BACH1: variants seen among roughly 807,000 people sequenced by gnomAD.
The protein encoded by BACH1 is BTB domain and CNC homolog 1, also known as transcription regulator protein BACH1.
A neutral mutation model predicts 52.9 loss-of-function variants in BACH1; 35 were observed. The ratio of observed to expected loss-of-function variants is 0.66; its 90% confidence interval spans 0.51 to 0.88. The LOEUF is 0.88. BACH1 is among the 40% of genes least tolerant of loss of function. The pLI is 0.00. For synonymous variants in BACH1, 321 were observed against 319.6 expected, an observed-to-expected ratio of 1.00 and a Z score of -0.05; for missense variants, 808 against 872.6, an observed-to-expected ratio of 0.93 and a Z score of 0.93.
chr21:29,356,095 T>C (rs187899791), intron 2 of BACH1, among the ~76,000 whole-genome samples: 1 of 152,276 alleles, frequency 6.6e-6, no homozygotes, highest in East Asian at 1.9e-4. Context: ...GAGTGTGTGG[T>C]AGTAGGATAA....
intron 1 of BACH1, among the ~76,000 whole-genome samples, chr21:29,308,058 G>A (rs2088678539): frequency 6.6e-6 from 1 of 152,144 alleles, no homozygotes; most frequent in African/African-American, 2.4e-5. Context: ...AAATGCAATA[G>A]TATTTCCCTA....
chr21:29,358,744 A>AAAAAGAAAAG (rs758608393), intron 2 of BACH1, among the ~76,000 whole-genome samples: 13 of 139,746 alleles, frequency 9.3e-5, no homozygotes, highest in African/African-American at 2.4e-4. Flanking sequence ...TGTCTCAGAA[A>AAAAAGAAAAG]AAAAGAAAAG....
intron 1 of BACH1, among the ~76,000 whole-genome samples, chr21:29,303,232 T>G (rs2088621866): frequency 6.6e-6 from 1 of 152,270 alleles, no homozygotes; most frequent in South Asian, 2.1e-4. Flanking sequence ...ATGAAATGGA[T>G]ATGAATACAA....
chr21:29,329,541 C>T lies in BACH1; in HGVS notation c.1624C>T (p.Gln542Ter). The change falls in exon 4 of 5, where the codon CAG (glutamine) becomes TAG (stop). Residue 542 changes from glutamine to a stop codon, truncating the protein, a stop_gained. Coordinates refer to ENST00000286800, the MANE Select transcript of BACH1 (RefSeq NM_001186.4). LOFTEE classifies it high-confidence loss of function. The part of the protein sequence containing the change: ...RIISLSRNDF[Q>*]SLLKMHKLTP... ...AATTTCACTGTCTCGAAATGATTTT[C>T]AGTCCTTGTTGAAAATGCACAAGCT... 6.2e-7 allele frequency: 1 copy of T among 1,602,090 alleles called. No homozygotes were observed. The highest frequency in any genetic ancestry group is 8.5e-7 in the Non-Finnish European group (1 of 1,176,076).
At chr21:29,357,263 C>T (rs969108555) in intron 2 of BACH1, among the ~76,000 whole-genome samples, 1 of 152,172 alleles carries the variant, frequency 6.6e-6, no homozygotes, top group East Asian at 1.9e-4. Flanking sequence ...CATAACCTGC[C>T]CTTCGTATCC....
At chr21:29,314,443 T>C (rs546923378) in intron 1 of BACH1, among the ~76,000 whole-genome samples, 1 of 152,334 alleles carries the variant, frequency 6.6e-6, no homozygotes, top group African/African-American at 2.4e-5. Flanking sequence ...TAATTTCGAA[T>C]ATGGATTTAG....
In BACH1 at chr21:29,327,173, A is replaced by G. The variant is rs1458506205; in HGVS notation, c.1349A>G (p.Gln450Arg). 2 of 1,614,142 alleles carry G rather than the reference A, an allele frequency of 1.2e-6. No individual in the cohort carries two copies. The highest frequency in any genetic ancestry group is 4.5e-5 in the East Asian group (2 of 44,898). The change falls in exon 3 of 5, where the codon CAA becomes CGA. Residue 450 changes from glutamine to arginine, a missense_variant. Gln to Arg is a conservative substitution (Grantham distance 43, BLOSUM62 1). Transcript: ENST00000286800. The part of the protein sequence containing the change: ...IRISESPEPG[Q>R]RTFTTLSSVN... ...ATTAGTGAGAGCCCAGAACCAGGTC[A>G]AAGGACTTTCACAACATTAAGTTCT...
chr21:29,316,984 G>T (rs907082404), intron 1 of BACH1, among the ~76,000 whole-genome samples: 7 of 152,192 alleles, frequency 4.6e-5, no homozygotes, highest in African/African-American at 1.7e-4. Flanking sequence ...CTAGATTGGG[G>T]TCCCCAACCT....
intron 1 of BACH1, among the ~76,000 whole-genome samples, chr21:29,305,775 G>A (rs2123405489): frequency 6.6e-6 from 1 of 152,316 alleles, no homozygotes; most frequent in South Asian, 2.1e-4. Flanking sequence ...CAGTGTATGT[G>A]GACAGTAGGG....
chr21:29,326,460 A>T lies in BACH1; in HGVS notation c.636A>T (p.Leu212Phe), dbSNP rs200303423. 5.9e-5 allele frequency: 95 copies of T among 1,614,120 alleles called. No homozygotes were observed. Among genetic ancestry groups the T allele is most frequent in the Non-Finnish European group, 7.8e-5 (92 of 1,180,046 alleles). The change falls in exon 3 of 5, where the codon TTA (leucine) becomes TTT (phenylalanine). Residue 212 changes from leucine (L) to phenylalanine (F), a missense_variant. Physicochemically the swap from Leu to Phe is conservative, Grantham distance 22. Transcript: ENST00000286800. ...GTCAGACATATGAGTCCATGTGCTTAGAGAAGGATGCTGCTCTGGCCTTGC... is the reference window on the plus strand; with the variant it reads ...GTCAGACATATGAGTCCATGTGCTTTGAGAAGGATGCTGCTCTGGCCTTGC... ...SASQTYESMC[L>F]EKDAALALPS...
chr21:29,342,703 G>T lies in BACH1; in HGVS notation c.2081G>T (p.Arg694Leu), dbSNP rs377002114. 3.2e-5 allele frequency: 52 copies of T among 1,614,204 alleles called. No individual in the cohort carries two copies. Among genetic ancestry groups the T allele is most frequent in the Non-Finnish European group, 4.2e-5 (50 of 1,180,042 alleles). ...GGAAACAGTGAGCCTGGCTACGCGC[G>T]AGGGCAGGAGTCCCAGCAGATGTCC... ...ARGNSEPGYA[R>L]GQESQQMSTA... Residue 694 changes from arginine to leucine, a missense_variant, in exon 5 of 5, where the codon CGA becomes CTA. Arg to Leu is a moderately radical substitution (Grantham distance 102). Coordinates refer to ENST00000286800, the MANE Select transcript of BACH1 (RefSeq NM_001186.4).
At chr21:29,347,408 T>C (rs2089175924), downstream of BACH1, among the ~76,000 whole-genome samples, 1 of 152,162 alleles carries the variant, frequency 6.6e-6, no homozygotes, top group Non-Finnish European at 1.5e-5. Flanking sequence ...ATTTACTCAT[T>C]AGAATCAGGG....
intron 1 of BACH1, among the ~76,000 whole-genome samples, chr21:29,305,981 A>C (rs2123405879): frequency 6.6e-6 from 1 of 152,344 alleles, no homozygotes; most frequent in East Asian, 1.9e-4. Flanking sequence ...CAACATGTAA[A>C]ATGTGCTGTG....
chr21:29,358,993 C>T (rs2089255584), intron 2 of BACH1: 1 of 151,800 alleles, frequency 6.6e-6, no homozygotes. Context: ...TTTAAACTAG[C>T]CATAACATCA....
chr21:29,313,132 A>G (rs2088745888), intron 1 of BACH1, among the ~76,000 whole-genome samples: 1 of 152,170 alleles, frequency 6.6e-6, no homozygotes, highest in African/African-American at 2.4e-5. Context: ...CTTGGGCTGC[A>G]TTGGAAGAAT....
chr21:29,338,102 A>G (rs914107027), intron 4 of BACH1, among the ~76,000 whole-genome samples: 4 of 152,196 alleles, frequency 2.6e-5, no homozygotes, highest in Admixed American at 6.5e-5. Context: ...ATGTGGAACA[A>G]AATGTTTATT....
chr21:29,308,277 T>A (rs574795908), intron 1 of BACH1, among the ~76,000 whole-genome samples: 2 of 152,354 alleles, frequency 1.3e-5, no homozygotes, highest in African/African-American at 4.8e-5. Flanking sequence ...AATAGACTTA[T>A]GTTTTTAGTT....
intron 2 of BACH1, among the ~76,000 whole-genome samples, chr21:29,354,926 G>T (rs2089224301): frequency 6.6e-6 from 1 of 152,202 alleles, no homozygotes; most frequent in Non-Finnish European, 1.5e-5. Context: ...GAATACTGAT[G>T]ACTGGGAAAG....
chr21:29,334,158 G>T (rs1030530270), intron 4 of BACH1, among the ~76,000 whole-genome samples: 1 of 151,384 alleles, frequency 6.6e-6, no homozygotes, highest in Admixed American at 6.6e-5. Flanking sequence ...CAGGCTGGAG[G>T]TCGGTCTTGG....
Sources: gnomAD v4.1 joint callset for allele counts (sites outside exome capture counted in the v4.1 genomes callset) on GRCh38, gnomAD v4.1.1 for gene constraint, MANE v1.5 for transcripts, NCBI Gene and HGNC (gene_info 2026-07-23, HGNC 2026-07-21) for gene names.